GAB3: variants seen among roughly 807,000 people sequenced by gnomAD.
The protein encoded by GAB3 is GRB2 associated binding protein 3.
Under a neutral mutation model 40.4 loss-of-function variants are expected in GAB3, and 12 were observed. The ratio of observed to expected loss-of-function variants is 0.30; its 90% CI spans 0.19 to 0.48. The LOEUF is 0.48. Among genes scored for constraint, GAB3 ranks in the 20% least tolerant of loss-of-function variants. The pLI is 0.99. For synonymous variants in GAB3, 154 were observed against 176.7 expected, an observed-to-expected ratio of 0.87 and a Z score of 1.02; for missense variants, 381 against 461.9, an observed-to-expected ratio of 0.82 and a Z score of 1.61.
At position 154,712,655 on chromosome X, in the gene GAB3, C is replaced by T. The variant is rs782043716; in HGVS notation, c.643G>A (p.Glu215Lys). The T allele has an allele frequency of 3.0e-5, 34 of 1,132,811 alleles. No homozygotes were observed. The highest frequency in any genetic ancestry group is 3.7e-5 in the Non-Finnish European group (32 of 858,652). 93.4% of individuals were successfully genotyped at this position (1,132,811 alleles called of 1,213,427 possible). The change falls in exon 4 of 10, where the codon GAA (glutamate) becomes AAA (lysine). Residue 215 changes from glutamate (E) to lysine (K), a missense_variant. Physicochemically the swap from Glu to Lys is moderately conservative, Grantham distance 56. Coordinates refer to ENST00000424127, the MANE Select transcript of GAB3 (RefSeq NM_001081573.3). ...DSWSNSDRSL[E>K]QASFDDVFVD... is the part of the protein sequence containing the mutation. ...AAAACATCATCAAATGAAGCCTGTT[C>T]CAATGAACGGTCTGAGTTTGACCAG...
intron 1 of GAB3, among the ~76,000 whole-genome samples, chrX:154,744,368 T>G (rs2071495153): frequency 9.0e-6 from 1 of 110,956 alleles, no homozygotes; most frequent in Non-Finnish European, 1.9e-5. Context: ...AAAAGAAAGC[T>G]ATTATCAAAA....
At chrX:154,680,330 C>T (rs782086039) in intron 8 of GAB3, 82 bp from the exon 9 acceptor site, 2 of 605,180 alleles carry the variant, frequency 3.3e-6, no homozygotes, top group Non-Finnish European at 5.5e-6. Flanking sequence ...GTGGCTTCAC[C>T]CAAGCAGCTG....
chrX:154,687,633 CAA>C (rs144999605), intron 8 of GAB3, among the ~76,000 whole-genome samples: 6 of 23,387 alleles, frequency 2.6e-4, no homozygotes, highest in African/African-American at 6.3e-4. Flanking sequence ...GACTCTGTCT[CAA>C]AAAAAAAAAA....
intron 2 of GAB3, among the ~76,000 whole-genome samples, chrX:154,714,358 A>G (rs1383900946): frequency 8.9e-6 from 1 of 111,916 alleles, no homozygotes; most frequent in Non-Finnish European, 1.9e-5. Context: ...AATCACACAT[A>G]GGCCATAGAA....
chrX:154,710,088 A>AC (rs2070909015), intron 4 of GAB3, among the ~76,000 whole-genome samples: 2 of 101,041 alleles, frequency 2.0e-5, no homozygotes, highest in South Asian at 1.3e-3. Flanking sequence ...TATGCATATC[A>AC]AATCATCATG....
chrX:154,746,259 A>G (rs1226009671), intron 1 of GAB3, among the ~76,000 whole-genome samples: 1 of 111,739 alleles, frequency 8.9e-6, no homozygotes, highest in African/African-American at 3.3e-5. Flanking sequence ...TTATGCTAAT[A>G]TCAAAACCAA....
chrX:154,744,143 G>A (rs1487264216), intron 1 of GAB3, among the ~76,000 whole-genome samples: 5 of 104,680 alleles, frequency 4.8e-5, no homozygotes, highest in African/African-American at 1.4e-4. Context: ...GAACCCAGGA[G>A]GCGGGGGTTG....
At chrX:154,696,344 T>C (rs1557250755) in intron 7 of GAB3, among the ~76,000 whole-genome samples, 1 of 108,209 alleles carries the variant, frequency 9.2e-6, no homozygotes, top group African/African-American at 3.4e-5. Flanking sequence ...GGCCTTCTTG[T>C]TTCTATTCAA....
intron 4 of GAB3, among the ~76,000 whole-genome samples, chrX:154,706,146 T>A (rs782043567): frequency 5.4e-5 from 6 of 111,737 alleles, no homozygotes; most frequent in Non-Finnish European, 1.1e-4. Context: ...CCGGGCACAG[T>A]GGCTCGCACC....
chrX:154,729,447 T>C lies in GAB3; in HGVS notation c.73-13118A>G, dbSNP rs191516599. ...ATGAACCAAGAACTGGGCCAAATGC[T>C]GTTAATGAGTGCCACCTGGATGAGT... On this transcript the variant is annotated intron_variant, in intron 1 of 9. Coordinates refer to ENST00000424127, the MANE Select transcript of GAB3 (RefSeq NM_001081573.3). 2.1e-4 allele frequency among the ~76,000 whole-genome samples: 23 copies of C among 111,700 alleles called. 1 individual carries two copies. The highest frequency in any genetic ancestry group is 2.0e-3 in the Admixed American group (21 of 10,491).
At position 154,717,389 on chromosome X, in the gene GAB3, G is replaced by T. The variant is rs191667787; in HGVS notation, c.73-1060C>A. ...AAGGCTGGAGATGGAGTGGGGGGTG[G>T]GGCATGGCAGGATTGGCCTAAAGCT... is the stretch of plus-strand genomic sequence containing the variant. On this transcript the variant is annotated intron_variant, in intron 1 of 9. Transcript: ENST00000424127. Among the ~76,000 whole-genome samples, 3 of 111,040 alleles carry T rather than the reference G, an allele frequency of 2.7e-5. No individual in the cohort carries two copies. In the East Asian group the frequency reaches 8.5e-4, roughly 31 times the overall value.
intron 8 of GAB3, among the ~76,000 whole-genome samples, chrX:154,683,133 C>T (rs781904220): frequency 8.9e-6 from 1 of 112,219 alleles, no homozygotes; most frequent in East Asian, 2.8e-4. Flanking sequence ...GAGCGAAAGA[C>T]CAAAAAGCTA....
chrX:154,698,180 T>C (rs1251976247), intron 6 of GAB3, among the ~76,000 whole-genome samples: 1 of 112,673 alleles, frequency 8.9e-6, no homozygotes, highest in Non-Finnish European at 1.9e-5. Context: ...GAAAGTTCTG[T>C]TGTTGTTTAA....
At chrX:154,743,153 G>A (rs2071471250) in intron 1 of GAB3, among the ~76,000 whole-genome samples, 4 of 110,498 alleles carry the variant, frequency 3.6e-5, no homozygotes, top group South Asian at 3.8e-4. Context: ...GTGTGTGTGT[G>A]TGTATTTCCT....
chrX:154,747,972 G>C lies in GAB3; in HGVS notation c.72+2982C>G, dbSNP rs182871481. The stretch of plus-strand genomic sequence containing the variant: ...ATATCCAGGGACAAAAACAGTGCCT[G>C]GCTCTTGGCATTGTTTTGAAAACTA... On this transcript the variant is annotated intron_variant, in intron 1 of 9. Transcript: ENST00000424127. Among the ~76,000 whole-genome samples the C allele has an allele frequency of 1.2e-4, 13 of 111,982 alleles. 1 individual carries two copies. Among genetic ancestry groups the C allele is most frequent in the African/African-American group, 3.9e-4 (12 of 30,853 alleles).
chrX:154,687,856 T>C (rs782041599), intron 8 of GAB3, among the ~76,000 whole-genome samples: 6 of 110,522 alleles, frequency 5.4e-5, no homozygotes, highest in African/African-American at 1.3e-4. Flanking sequence ...TGGAACAGAA[T>C]AGAAAATCTA....
intron 1 of GAB3, among the ~76,000 whole-genome samples, chrX:154,742,991 T>G (rs1264151464): frequency 1.1e-5 from 1 of 93,906 alleles, no homozygotes; most frequent in Non-Finnish European, 2.2e-5. Flanking sequence ...TGTACATATA[T>G]ATATATATAT....
intron 8 of GAB3, among the ~76,000 whole-genome samples, chrX:154,682,792 A>G (rs1193133488): frequency 9.0e-6 from 1 of 110,763 alleles, no homozygotes; most frequent in Non-Finnish European, 1.9e-5. Flanking sequence ...AGCCTGGCCA[A>G]CATGGTGAAA....
At chrX:154,732,600 A>C (rs1345795854) in intron 1 of GAB3, among the ~76,000 whole-genome samples, 12 of 112,016 alleles carry the variant, frequency 1.1e-4, no homozygotes, top group Admixed American at 1.0e-3. Context: ...CCATATATGA[A>C]TTCCTAAAAA....
Sources: allele counts gnomAD v4.1 joint callset (sites outside exome capture counted in the v4.1 genomes callset), GRCh38; gene constraint gnomAD v4.1.1; transcripts MANE v1.5; gene names NCBI Gene and HGNC (gene_info 2026-07-23, HGNC 2026-07-21).